The following CSMD2 variants were observed in gnomAD, a reference collection of about 807,000 sequenced individuals.
The protein encoded by CSMD2 is CUB and Sushi multiple domains 2, also known as CUB and sushi domain-containing protein 2.
In CSMD2, 130 loss-of-function variants were observed where a neutral mutation model predicts 398.5. The ratio of observed to expected loss-of-function variants is 0.33; its 90% CI spans 0.28 to 0.38. The LOEUF (loss-of-function observed/expected upper bound fraction) is 0.38. Ranked by LOEUF, CSMD2 falls within the 10% of genes least tolerant of loss-of-function variation. CSMD2 has a pLI of 1.00. For synonymous variants in CSMD2, 1,828 were observed against 1,908.5 expected (o/e 0.96, Z 1.10); for missense variants, 3,829 against 4,764.9 (o/e 0.80, Z 5.78).
chr1:33,864,611 C>T (rs1317365625), intron 5 of CSMD2: 1 of 1,613,960 alleles, frequency 6.2e-7, no homozygotes, highest in Admixed American at 1.7e-5. Flanking sequence ...TGGAGAAGCA[C>T]CCTTATGAGC....
intron 25 of CSMD2, among the ~76,000 whole-genome samples, chr1:33,666,609 C>T (rs1205861534): frequency 6.6e-6 from 1 of 151,834 alleles, no homozygotes; most frequent in Non-Finnish European, 1.5e-5. Context: ...TAGAAACCAA[C>T]AGAATCTCTT....
chr1:33,790,172 C>T (rs1028419285), intron 11 of CSMD2, among the ~76,000 whole-genome samples: 2 of 152,174 alleles, frequency 1.3e-5, no homozygotes, highest in South Asian at 2.1e-4. Flanking sequence ...TGGGGATGCA[C>T]CAAGTGAGGG....
At chr1:34,102,753 A>G (rs567200589) in intron 1 of CSMD2, among the ~76,000 whole-genome samples, 35 of 152,156 alleles carry the variant, frequency 2.3e-4, no homozygotes, top group Non-Finnish European at 4.4e-4. Flanking sequence ...CCCAGTAGCC[A>G]TGGGACCCTT....
intron 1 of CSMD2, among the ~76,000 whole-genome samples, 160 bp from the exon 2 acceptor site, chr1:34,089,353 T>G (rs928509969): frequency 5.9e-5 from 9 of 152,184 alleles, no homozygotes; most frequent in Non-Finnish European, 1.3e-4. Context: ...AAAGGGTGAC[T>G]AACGTTGATT....
chr1:33,960,838 T>C (rs935351670), intron 3 of CSMD2, among the ~76,000 whole-genome samples: 1 of 152,220 alleles, frequency 6.6e-6, no homozygotes. Context: ...TAGGGACATA[T>C]CTGGTTTGAG....
chr1:33,646,772 A>C lies in CSMD2; in HGVS notation c.4650T>G (p.Pro1550=). The C allele has an allele frequency of 6.2e-7, 1 of 1,614,092 alleles. No homozygotes were observed. The highest frequency in any genetic ancestry group is 8.5e-7 in the Non-Finnish European group (1 of 1,179,984). Residue 1550 remains proline, a synonymous_variant, in exon 29 of 71, where the codon CCT becomes CCG. Coordinates refer to ENST00000373381, the MANE Select transcript of CSMD2 (RefSeq NM_001281956.2). The part of the protein sequence containing the change: ...HIYDGRDSLS[P]LIGSFYGSQL... ...GGGAGCCATAGAAGCTTCCTATGAG[A>C]GGGCTGAGAGAGTCCCGTCCGTCGT...
chr1:33,835,865 T>C (rs1011779739), intron 6 of CSMD2, among the ~76,000 whole-genome samples: 1 of 152,172 alleles, frequency 6.6e-6, no homozygotes, highest in African/African-American at 2.4e-5. Flanking sequence ...TCTTAACTCG[T>C]CAAAGTCATT....
chr1:33,791,420 G>A (rs910334489), intron 11 of CSMD2, among the ~76,000 whole-genome samples: 7 of 152,228 alleles, frequency 4.6e-5, no homozygotes, highest in Admixed American at 1.3e-4. Context: ...CTGGAAGGGA[G>A]ATGGATGTGG....
intron 1 of CSMD2, among the ~76,000 whole-genome samples, chr1:34,125,881 C>T (rs527388095): frequency 3.3e-5 from 5 of 152,246 alleles, no homozygotes; most frequent in East Asian, 1.9e-4. Flanking sequence ...GTTCAGGCCC[C>T]GGGAGGGCTT....
At chr1:33,919,170 T>G (rs1321528784) in intron 4 of CSMD2, among the ~76,000 whole-genome samples, 1 of 152,044 alleles carries the variant, frequency 6.6e-6, no homozygotes, top group African/African-American at 2.4e-5. Flanking sequence ...ATTTGAGAGA[T>G]ATTTAGGAAG....
chr1:33,925,229 T>C (rs1644085081), intron 4 of CSMD2, among the ~76,000 whole-genome samples: 1 of 152,184 alleles, frequency 6.6e-6, no homozygotes, highest in African/African-American at 2.4e-5. Flanking sequence ...TTTTTGTATA[T>C]GGTGAGAGAT....
At chr1:33,642,058 G>A (rs935281309) in intron 29 of CSMD2, among the ~76,000 whole-genome samples, 2 of 152,116 alleles carry the variant, frequency 1.3e-5, no homozygotes, top group African/African-American at 4.8e-5. Flanking sequence ...GTGATTCAAA[G>A]CCAAGAGTGA....
chr1:33,989,013 CATATATATATATAT>C (rs71029018), intron 3 of CSMD2, among the ~76,000 whole-genome samples: 3,949 of 94,612 alleles, frequency 0.042, 213 homozygotes, highest in African/African-American at 0.094. Context: ...TCTCTCTCTC[CATATATATATATAT>C]ATATATATAT....
chr1:33,745,344 A>G (rs779668580), intron 13 of CSMD2, among the ~76,000 whole-genome samples: 2 of 152,224 alleles, frequency 1.3e-5, no homozygotes, highest in Non-Finnish European at 2.9e-5. Context: ...GGTTCATTCT[A>G]AACATCTTTT....
At chr1:33,767,260 A>G (rs901432607) in intron 13 of CSMD2, among the ~76,000 whole-genome samples, 2 of 152,258 alleles carry the variant, frequency 1.3e-5, no homozygotes, top group Non-Finnish European at 2.9e-5. Context: ...ATATGTGTAT[A>G]GATGGGTAAG....
intron 25 of CSMD2, among the ~76,000 whole-genome samples, chr1:33,682,842 G>A (rs1644950542): frequency 6.6e-6 from 1 of 152,006 alleles, no homozygotes; most frequent in Admixed American, 6.6e-5. Flanking sequence ...CCCTTGGAAC[G>A]ATTTCATTTT....
intron 1 of CSMD2, among the ~76,000 whole-genome samples, chr1:34,089,461 G>C (rs1658306122): frequency 6.6e-6 from 1 of 152,146 alleles, no homozygotes; most frequent in Admixed American, 6.5e-5. Context: ...TTAAGGCTTT[G>C]AGAATCTGAA....
At chr1:33,823,122 C>T (rs753196718) in intron 7 of CSMD2, among the ~76,000 whole-genome samples, 11 of 152,274 alleles carry the variant, frequency 7.2e-5, no homozygotes, top group East Asian at 1.9e-4. Context: ...AAAGCCCACC[C>T]GCCAAGCCAC....
chr1:33,694,948 C>T lies in CSMD2; in HGVS notation c.3926-1892G>A, dbSNP rs4338325. Among the ~76,000 whole-genome samples the T allele has an allele frequency of 1.3e-4, 20 of 152,234 alleles. No individual in the cohort carries two copies. In the East Asian group the frequency reaches 3.9e-3, roughly 29 times the overall value. On this transcript the variant is annotated intron_variant, in intron 24 of 70. Coordinates refer to ENST00000373381, the MANE Select transcript of CSMD2 (RefSeq NM_001281956.2). ...GCCCTCCCCTGGAAGAGTTTACTGT[C>T]TAGTAGAGAAGACAGCCACACTGTG...
Sources: allele counts gnomAD v4.1 joint callset (sites outside exome capture counted in the v4.1 genomes callset), GRCh38; gene constraint gnomAD v4.1.1; transcripts MANE v1.5; gene names NCBI Gene and HGNC (gene_info 2026-07-23, HGNC 2026-07-21).